Variants in TCEA3 observed in about 807,000 individuals in gnomAD.
TCEA3 encodes the protein transcription elongation factor A3, also known as transcription elongation factor A protein 3.
Under a neutral mutation model 44.0 loss-of-function variants are expected in TCEA3, and 36 were observed. The observed-to-expected ratio is 0.82, with a 90% CI of 0.63 to 1.08. The LOEUF (loss-of-function observed/expected upper bound fraction) is 1.08, where lower values mean the gene tolerates loss of function less well. TCEA3 is among the 50% of genes least tolerant of loss of function. The pLI is 0.00. For missense variants in TCEA3, 392 were observed against 441.2 expected, an observed-to-expected ratio of 0.89 and a Z score of 1.00; for synonymous variants, 162 against 159.7, an observed-to-expected ratio of 1.01 and a Z score of -0.11.
At chr1:23,404,126 G>T (rs779694029) in intron 5 of TCEA3, 1 of 702,322 alleles carries the variant, frequency 1.4e-6, no homozygotes. Context: ...GCGCCACCTC[G>T]AGGGCATTTC....
chr1:23,390,797 T>A (rs549720101), intron 8 of TCEA3, among the ~76,000 whole-genome samples: 47 of 152,264 alleles, frequency 3.1e-4, no homozygotes, highest in Middle Eastern at 3.4e-3. Flanking sequence ...CACAATTCTA[T>A]CCCTATTTGT....
chr1:23,397,644 G>A (rs751564256), intron 6 of TCEA3, 43 bp from the exon 7 acceptor site: 14 of 1,607,400 alleles, frequency 8.7e-6, no homozygotes, highest in Middle Eastern at 1.7e-4. Context: ...CAGACACAAC[G>A]TAGGCAGTGA....
intron 1 of TCEA3, among the ~76,000 whole-genome samples, chr1:23,420,864 C>T (rs894121414): frequency 6.6e-6 from 1 of 152,166 alleles, no homozygotes; most frequent in African/African-American, 2.4e-5. Context: ...CTTCTCCTTT[C>T]CCCCAGCCCC....
At chr1:23,401,918 C>A (rs564286280) in intron 5 of TCEA3, among the ~76,000 whole-genome samples, 1 of 152,202 alleles carries the variant, frequency 6.6e-6, no homozygotes, top group Non-Finnish European at 1.5e-5. Flanking sequence ...AGAGGTGGAA[C>A]AGTTTCGTCT....
chr1:23,415,135 G>A (rs898426214), intron 4 of TCEA3, among the ~76,000 whole-genome samples: 2 of 142,122 alleles, frequency 1.4e-5, no homozygotes, highest in Admixed American at 7.4e-5. Context: ...TGATTCTCCC[G>A]CCTCAGCCTC....
At chr1:23,423,740 G>A in intron 1 of TCEA3, 1 of 456,064 alleles carries the variant, frequency 2.2e-6, no homozygotes, top group Non-Finnish European at 4.4e-6. Context: ...GCTCTGGCCA[G>A]GCGACCAGTC....
chr1:23,383,549 A>T, intron 10 of TCEA3: 2 of 964,300 alleles, frequency 2.1e-6, no homozygotes, highest in Non-Finnish European at 2.5e-6. Flanking sequence ...GAGGTGAGTA[A>T]CATGCTCAGC....
At chr1:23,418,467 G>A (rs1366215699) in intron 2 of TCEA3, among the ~76,000 whole-genome samples, 1 of 152,096 alleles carries the variant, frequency 6.6e-6, no homozygotes, top group Admixed American at 6.5e-5. Flanking sequence ...GTGCATCATC[G>A]TGCCCAGCTA....
chr1:23,416,667 T>C (rs1468966479), intron 4 of TCEA3, among the ~76,000 whole-genome samples: 1 of 152,028 alleles, frequency 6.6e-6, no homozygotes, highest in Non-Finnish European at 1.5e-5. Flanking sequence ...AATTTTTGTA[T>C]TTTTTGTAGA....
In TCEA3 at chr1:23,381,208, C is replaced by T; in HGVS notation, c.*258G>A. The T allele has an allele frequency of 2.0e-6, 1 of 512,408 alleles. No homozygotes were observed. The allele number at this position is 512,408 out of a possible 1,614,324, so 31.7% of individuals were successfully genotyped here. A position where few individuals can be genotyped will look rare whatever the true frequency, so the allele number is the denominator to read the frequency against. On this transcript the variant is annotated 3_prime_UTR_variant, in exon 11 of 11. Transcript: ENST00000450454. ...CAGATTACAGCCATAAACCACCGTG[C>T]CCAGCCCTCTGCAGTTTCTAAAAGA... is the stretch of plus-strand genomic sequence containing the variant.
chr1:23,404,400 T>A (rs1424198087), intron 5 of TCEA3, among the ~76,000 whole-genome samples: 1 of 151,958 alleles, frequency 6.6e-6, no homozygotes, highest in Non-Finnish European at 1.5e-5. Context: ...TCAGCTCAAA[T>A]ACTTTCTCTT....
rs1436733709 is a variant in TCEA3 at position 23,424,658 on chromosome 1, C to A, written c.-25G>T. 6.3e-7 allele frequency: 1 copy of A among 1,595,292 alleles called. No homozygotes were observed. Among genetic ancestry groups the A allele is most frequent in the Non-Finnish European group, 8.5e-7 (1 of 1,173,416 alleles). On this transcript the variant is annotated 5_prime_UTR_variant, in exon 1 of 11. Coordinates refer to ENST00000450454, the MANE Select transcript of TCEA3 (RefSeq NM_003196.3). ...TGTTGGCCCGCGACGCCCGGCGGGG[C>A]GAGGGGCACAGGGGCAGCAGTAGGG... is the stretch of plus-strand genomic sequence containing the variant.
chr1:23,416,767 CAT>C (rs1639902926), intron 4 of TCEA3, among the ~76,000 whole-genome samples: 2 of 152,232 alleles, frequency 1.3e-5, no homozygotes, highest in South Asian at 4.1e-4. Context: ...GCTGGGATTA[CAT>C]GTGTGAGCCA....
chr1:23,412,920 T>G (rs1639776503), intron 4 of TCEA3, among the ~76,000 whole-genome samples: 1 of 152,162 alleles, frequency 6.6e-6, no homozygotes, highest in South Asian at 2.1e-4. Context: ...GGAAGGAAAT[T>G]AATTAACTGA....
chr1:23,408,537 G>A (rs1469639075), intron 5 of TCEA3, 127 bp downstream of exon 5: 4 of 930,350 alleles, frequency 4.3e-6, no homozygotes, highest in Middle Eastern at 3.3e-4. Flanking sequence ...AGAATACGGG[G>A]GCAACATAAT....
chr1:23,389,712 G>T (rs1274912739), intron 8 of TCEA3, among the ~76,000 whole-genome samples: 1 of 152,206 alleles, frequency 6.6e-6, no homozygotes, highest in Non-Finnish European at 1.5e-5. Context: ...GTATCAGTTT[G>T]CAGGTAAACC....
At chr1:23,392,400 A>T (rs151321759) in intron 8 of TCEA3, among the ~76,000 whole-genome samples, 1 of 18,952 alleles carries the variant, frequency 5.3e-5, no homozygotes, top group African/African-American at 2.7e-4. Flanking sequence ...AACACACTCC[A>T]CACATCATCA....
chr1:23,408,297 G>A (rs1268019320), intron 5 of TCEA3, among the ~76,000 whole-genome samples: 1 of 152,148 alleles, frequency 6.6e-6, no homozygotes, highest in Non-Finnish European at 1.5e-5. Context: ...TCCCCACTGG[G>A]TTCAATCGGA....
intron 1 of TCEA3, among the ~76,000 whole-genome samples, chr1:23,420,334 C>G (rs547208205): frequency 6.6e-6 from 1 of 152,288 alleles, no homozygotes; most frequent in South Asian, 2.1e-4. Context: ...TTCGACTTTC[C>G]AGGCTCAGGT....
Sources: allele counts gnomAD v4.1 joint callset (sites outside exome capture counted in the v4.1 genomes callset), GRCh38; gene constraint gnomAD v4.1.1; transcripts MANE v1.5; gene names NCBI Gene and HGNC (gene_info 2026-07-23, HGNC 2026-07-21).